The following CEP126 variants were observed in gnomAD, a reference collection of about 807,000 sequenced individuals.
The protein encoded by CEP126 is centrosomal protein 126.
Under a neutral mutation model 107.8 loss-of-function variants are expected in CEP126, and 74 were observed. That is an observed-to-expected ratio of 0.69 (90% CI 0.57 to 0.83). CEP126 has a LOEUF of 0.83. Among genes scored for constraint, CEP126 ranks in the 40% least tolerant of loss-of-function variants. CEP126 has a pLI of 0.00. For missense variants in CEP126, 1,237 were observed against 1,281.9 expected (o/e 0.96, Z 0.53); for synonymous variants, 449 against 446.0 (o/e 1.01, Z -0.08).
chr11:101,941,922 T>C (rs1281450516), intron 2 of CEP126, among the ~76,000 whole-genome samples: 1 of 152,222 alleles, frequency 6.6e-6, no homozygotes, highest in Non-Finnish European at 1.5e-5. Context: ...CATCTTTTCA[T>C]GTGTTTATTT....
chr11:101,969,601 T>C (rs996024679), intron 6 of CEP126, among the ~76,000 whole-genome samples: 1 of 152,190 alleles, frequency 6.6e-6, no homozygotes, highest in Non-Finnish European at 1.5e-5. Flanking sequence ...AAAGTTCCAA[T>C]AGGATTTTTG....
At position 101,915,182 on chromosome 11, in the gene CEP126, G is replaced by A; in HGVS notation, c.-103G>A. On this transcript the variant is annotated 5_prime_UTR_variant, in exon 1 of 11. Coordinates refer to ENST00000263468, the MANE Select transcript of CEP126 (RefSeq NM_020802.4). ...CTTCCGCGCCCGTGACGCGGGGCCT[G>A]AGAGACGGAGTGTAGGGAGGGGCCG... 1 of 1,528,466 alleles carries A rather than the reference G, an allele frequency of 6.5e-7. No individual in the cohort carries two copies. Among genetic ancestry groups the A allele is most frequent in the Middle Eastern group, 2.4e-4 (1 of 4,166 alleles). The allele number at this position is 1,528,466 out of a possible 1,614,324, so 94.7% of individuals were successfully genotyped here.
chr11:101,982,253 ATATT>A, intron 8 of CEP126, among the ~76,000 whole-genome samples: 1 of 152,304 alleles, frequency 6.6e-6, no homozygotes, highest in South Asian at 2.1e-4. Flanking sequence ...CACCCAGTAA[ATATT>A]TATTGAATTA....
At chr11:101,969,151 G>A (rs746169997) in intron 6 of CEP126, among the ~76,000 whole-genome samples, 1 of 152,044 alleles carries the variant, frequency 6.6e-6, no homozygotes, top group Non-Finnish European at 1.5e-5. Flanking sequence ...CCCACAAGCA[G>A]CTGGGACTAC....
chr11:101,945,725 A>T (rs1940725810), intron 3 of CEP126, among the ~76,000 whole-genome samples: 1 of 152,170 alleles, frequency 6.6e-6, no homozygotes, highest in African/African-American at 2.4e-5. Context: ...TGTCATGGTC[A>T]TATGGTAGCT....
At chr11:101,980,662 T>C (rs1361788488) in intron 7 of CEP126, among the ~76,000 whole-genome samples, 1 of 152,188 alleles carries the variant, frequency 6.6e-6, no homozygotes, top group Non-Finnish European at 1.5e-5. Flanking sequence ...TTCCAGAGCC[T>C]AAGCAAGGGT....
At chr11:101,941,492 G>GA (rs1231841955) in intron 2 of CEP126, among the ~76,000 whole-genome samples, 1 of 152,024 alleles carries the variant, frequency 6.6e-6, no homozygotes, top group African/African-American at 2.4e-5. Context: ...TTTTAAGACT[G>GA]AAAAAAATTC....
At position 101,948,011 on chromosome 11, in the gene CEP126, G is replaced by T; in HGVS notation, c.395-20G>T. ...AAGATAAAGTGATTCTGTACTGTTC[G>T]GTCTTTATTATCTCTTTAGTTTCCC... On this transcript the variant is annotated intron_variant, in intron 3 of 10. Transcript: ENST00000263468. The T allele has an allele frequency of 1.4e-6, 2 of 1,411,448 alleles. No homozygotes were observed. The highest frequency in any genetic ancestry group is 2.0e-6 in the Non-Finnish European group (2 of 1,000,638). The allele number at this position is 1,411,448 out of a possible 1,614,324, so 87.4% of individuals were successfully genotyped here.
intron 3 of CEP126, 133 bp downstream of exon 3, chr11:101,944,543 C>A: frequency 1.3e-6 from 1 of 783,648 alleles, no homozygotes; most frequent in Non-Finnish European, 2.0e-6. Flanking sequence ...TGAGTAAAAG[C>A]ACTTTAACCA....
intron 6 of CEP126, among the ~76,000 whole-genome samples, chr11:101,973,372 T>G (rs1457515408): frequency 6.6e-6 from 1 of 152,194 alleles, no homozygotes; most frequent in Non-Finnish European, 1.5e-5. Context: ...TGCAAGGACA[T>G]GGATGAAGCT....
rs756252505 is a variant in CEP126 at position 101,915,149 on chromosome 11, G to T, written c.-136G>T. The T allele has an allele frequency of 1.1e-4, 154 of 1,367,276 alleles. No individual in the cohort carries two copies. Among genetic ancestry groups the T allele is most frequent in the Middle Eastern group, 5.4e-4 (2 of 3,738 alleles). 84.7% of individuals were successfully genotyped at this position (1,367,276 alleles called of 1,614,324 possible). ...GCTGCGCGGGAGCTAGGGCTGTCGAGGCCAACCCTTCCGCGCCCGTGACGC... is the reference window on the plus strand; with the variant it reads ...GCTGCGCGGGAGCTAGGGCTGTCGATGCCAACCCTTCCGCGCCCGTGACGC... On this transcript the variant is annotated 5_prime_UTR_variant, in exon 1 of 11. The change creates a new upstream start codon in the 5' untranslated region. Transcript: ENST00000263468.
intron 6 of CEP126, among the ~76,000 whole-genome samples, chr11:101,964,862 G>C (rs1941041132): frequency 1.3e-5 from 2 of 152,204 alleles, no homozygotes; most frequent in Middle Eastern, 3.4e-3. Context: ...AGTAAGCACA[G>C]TGAAAAATAT....
chr11:101,991,119 A>C (rs938823186), intron 9 of CEP126, among the ~76,000 whole-genome samples: 10 of 152,048 alleles, frequency 6.6e-5, no homozygotes, highest in Admixed American at 5.9e-4. Context: ...CAAGGCTGCA[A>C]TGAGCCATGA....
intron 9 of CEP126, among the ~76,000 whole-genome samples, chr11:101,988,911 G>A (rs548261108): frequency 6.6e-6 from 1 of 151,972 alleles, no homozygotes; most frequent in African/African-American, 2.4e-5. Flanking sequence ...TTTAACCACG[G>A]TGGGTGATTT....
chr11:101,962,535 T>TGGGGGAGG lies in CEP126; in HGVS notation c.1500_1501insGGGGGAGG (p.Lys501GlyfsTer8). ...ATAAGTTAGATGAATTGAAAGATGGTAAAGAAGAAGAGATAAAATATTTTA... is the reference window on the plus strand; with the variant it reads ...ATAAGTTAGATGAATTGAAAGATGGTGGGGGAGGAAAGAAGAAGAGATAAAATATTTTA... On this transcript the variant is annotated frameshift_variant, in exon 6 of 11. Transcript: ENST00000263468. LOFTEE classifies it high-confidence loss of function. The TGGGGGAGG allele has an allele frequency of 6.2e-7, 1 of 1,613,006 alleles. No individual in the cohort carries two copies. The highest frequency in any genetic ancestry group is 8.5e-7 in the Non-Finnish European group (1 of 1,179,528).
intron 3 of CEP126, among the ~76,000 whole-genome samples, chr11:101,946,728 C>T (rs190842583): frequency 1.3e-4 from 19 of 151,638 alleles, no homozygotes; most frequent in Non-Finnish European, 2.2e-4. Context: ...GGCATGGTGG[C>T]GGTTGCCTGT....
intron 9 of CEP126, among the ~76,000 whole-genome samples, chr11:101,990,705 G>T (rs1941368706): frequency 6.6e-6 from 1 of 151,542 alleles, no homozygotes; most frequent in South Asian, 2.1e-4. Flanking sequence ...ACAAATAATA[G>T]AAATCTACTA....
chr11:101,926,028 T>C lies in CEP126; in HGVS notation c.248+3268T>C, dbSNP rs1011275180. The stretch of plus-strand genomic sequence containing the variant: ...CTATTTAAAATGTTGTTACGTAAGA[T>C]AGTCATTTATTCACTCAACTAATAT... On this transcript the variant is annotated intron_variant, in intron 2 of 10. Coordinates refer to ENST00000263468, the MANE Select transcript of CEP126 (RefSeq NM_020802.4). 3.3e-5 allele frequency among the ~76,000 whole-genome samples: 5 copies of C among 152,184 alleles called. No homozygotes were observed. In the East Asian group the frequency reaches 7.8e-4, roughly 24 times the overall value.
chr11:101,968,018 A>G (rs930591393), intron 6 of CEP126, among the ~76,000 whole-genome samples: 14 of 152,232 alleles, frequency 9.2e-5, no homozygotes, highest in South Asian at 4.1e-4. Flanking sequence ...TTACTATGCT[A>G]AAAATATTTT....
Sources: allele counts gnomAD v4.1 joint callset (sites outside exome capture counted in the v4.1 genomes callset), GRCh38; gene constraint gnomAD v4.1.1; transcripts MANE v1.5; gene names NCBI Gene and HGNC (gene_info 2026-07-23, HGNC 2026-07-21).